Variants in XXYLT1 observed in about 807,000 individuals in gnomAD.
XXYLT1 encodes the protein UDP-xylose:alpha-xyloside alpha-1,3-xylosyltransferase.
XXYLT1 carries 20 observed loss-of-function variants against 28.9 expected under a neutral mutation model. The observed-to-expected ratio is 0.69, with a 90% confidence interval of 0.49 to 1.00. The LOEUF is 1.00. Ranked by LOEUF, XXYLT1 falls within the 50% of genes least tolerant of loss-of-function variation. The pLI is 0.00. For synonymous variants in XXYLT1, 257 were observed against 253.8 expected (o/e 1.01, Z -0.12); for missense variants, 542 against 560.1 (o/e 0.97, Z 0.33).
At chr3:195,117,114 T>TACACACACACACACACACACACACAC (rs10633458) in intron 3 of XXYLT1, among the ~76,000 whole-genome samples, 9 of 148,630 alleles carry the variant, frequency 6.1e-5, no homozygotes, top group African/African-American at 1.7e-4. Context: ...ATATAGTGTA[T>TACACACACACACACACACACACACAC]ACACACACAC....
rs1382227219 is a variant in XXYLT1 at position 195,115,188 on chromosome 3, C to A, written c.785+41261G>T. Among the ~76,000 whole-genome samples the A allele has an allele frequency of 1.3e-5, 2 of 152,164 alleles. No homozygotes were observed. Among genetic ancestry groups the A allele is most frequent in the Non-Finnish European group, 1.5e-5 (1 of 68,044 alleles). The stretch of plus-strand genomic sequence containing the variant: ...AACTAGTGTGCTCACATGAGACGTG[C>A]CCGGTGAGAATGTGGCTTCTGGCTG... On this transcript the variant is annotated intron_variant, in intron 3 of 3. Transcript: ENST00000310380. The surrounding 1 kb of genome is among the most constrained non-coding windows in gnomAD (Gnocchi z 4.2).
In XXYLT1 at chr3:195,271,132, CTT is replaced by C. The variant is rs939726784; in HGVS notation, c.-76_-75del. On this transcript the variant is annotated 5_prime_UTR_variant, in exon 1 of 4. It removes the in-frame stop codon of an upstream open reading frame in the 5' UTR. Transcript: ENST00000310380. Reference sequence around the variant, plus strand: ...TCGGGTACCCGGACGCCGGCGGCCACTTAGCCCCGGCGCCAGGCGGCGGCCAT... The same window carrying C: ...TCGGGTACCCGGACGCCGGCGGCCACAGCCCCGGCGCCAGGCGGCGGCCAT... The C allele has an allele frequency of 8.1e-5, 102 of 1,267,022 alleles. No homozygotes were observed. The highest frequency in any genetic ancestry group is 9.5e-5 in the Non-Finnish European group (96 of 1,008,870). 78.5% of individuals were successfully genotyped at this position (1,267,022 alleles called of 1,614,324 possible).
chr3:195,099,235 G>A (rs978672646), intron 3 of XXYLT1, among the ~76,000 whole-genome samples: 36 of 151,988 alleles, frequency 2.4e-4, no homozygotes, highest in African/African-American at 8.5e-4. Context: ...ATAAATAAAC[G>A]TGCTCAGCTT....
intron 3 of XXYLT1, among the ~76,000 whole-genome samples, chr3:195,145,273 C>T (rs1484330996): frequency 2.0e-5 from 3 of 150,270 alleles, no homozygotes; most frequent in Admixed American, 6.6e-5. Flanking sequence ...GTGGAAGCCA[C>T]GTGAATGGGC....
In XXYLT1 at chr3:195,209,655, G is replaced by A. The variant is rs1249191914; in HGVS notation, c.652+17054C>T. ...GACGGCAGAGTGTGGGTCTGAACCAGAGAAAAAGGCTGCAGCACAGGAGGG... is the reference window on the plus strand; with the variant it reads ...GACGGCAGAGTGTGGGTCTGAACCAAAGAAAAAGGCTGCAGCACAGGAGGG... On this transcript the variant is annotated intron_variant, in intron 2 of 3. Transcript: ENST00000310380. This position sits in a 1 kb window ranked among gnomAD's most constrained non-coding sequence, Gnocchi z 5.0. The A allele has an allele frequency of 6.6e-6, 1 of 152,526 alleles. No homozygotes were observed. Among genetic ancestry groups the A allele is most frequent in the East Asian group, 1.9e-4 (1 of 5,184 alleles). 9.4% of individuals were successfully genotyped at this position (152,526 alleles called of 1,614,324 possible).
intron 1 of XXYLT1, among the ~76,000 whole-genome samples, chr3:195,263,474 T>C (rs1725753099): frequency 6.6e-6 from 1 of 152,074 alleles, no homozygotes; most frequent in Non-Finnish European, 1.5e-5. Context: ...GGGAGCGAGT[T>C]CTCACTCTCA....
intron 3 of XXYLT1, among the ~76,000 whole-genome samples, chr3:195,137,635 T>G (rs1201945550): frequency 6.6e-6 from 1 of 152,216 alleles, no homozygotes; most frequent in Non-Finnish European, 1.5e-5. Flanking sequence ...ACTCTACATT[T>G]AACCTCTCCG....
intron 1 of XXYLT1, among the ~76,000 whole-genome samples, chr3:195,230,505 T>C (rs1277143350): frequency 2.0e-5 from 3 of 152,182 alleles, no homozygotes; most frequent in Non-Finnish European, 4.4e-5. Context: ...CTTTTGGTAG[T>C]GTCATAATTT....
intron 3 of XXYLT1, among the ~76,000 whole-genome samples, chr3:195,112,892 C>T (rs1055776880): frequency 2.6e-5 from 4 of 151,570 alleles, no homozygotes; most frequent in African/African-American, 9.7e-5. Flanking sequence ...CGCACATACA[C>T]GCAGCCCCCA....
intron 1 of XXYLT1, among the ~76,000 whole-genome samples, chr3:195,268,579 CAA>C (rs1725916355): frequency 6.9e-6 from 1 of 145,240 alleles, no homozygotes; most frequent in South Asian, 2.3e-4. Flanking sequence ...GCCTAGGCAA[CAA>C]GAGCGAAACT....
At chr3:195,145,722 C>A (rs1474941906) in intron 3 of XXYLT1, among the ~76,000 whole-genome samples, 1 of 152,252 alleles carries the variant, frequency 6.6e-6, no homozygotes, top group Non-Finnish European at 1.5e-5. Flanking sequence ...TCATAATGAG[C>A]GCTCGTCTAC....
Position 195,210,625 on chromosome 3 carries a change from G to T in XXYLT1, c.652+16084C>A, listed in dbSNP as rs1459371733. Among the ~76,000 whole-genome samples, 1 of 152,188 alleles carries T rather than the reference G, an allele frequency of 6.6e-6. No individual in the cohort carries two copies. The highest frequency in any genetic ancestry group is 1.5e-5 in the Non-Finnish European group (1 of 68,044). On this transcript the variant is annotated intron_variant, in intron 2 of 3. Coordinates refer to ENST00000310380, the MANE Select transcript of XXYLT1 (RefSeq NM_152531.5). The surrounding 1 kb of genome is among the most constrained non-coding windows in gnomAD (Gnocchi z 4.8). ...TTTCATTAGCTTAGAAAGAGCTTCT[G>T]GCATTAAATTAGTAGAAAATGGTCT...
At chr3:195,241,810 AAC>A (rs202193296) in intron 1 of XXYLT1, among the ~76,000 whole-genome samples, 2 of 151,788 alleles carry the variant, frequency 1.3e-5, no homozygotes, top group Admixed American at 6.6e-5. Flanking sequence ...ACATGCGCAC[AAC>A]ACACACACAC....
In XXYLT1 at chr3:195,240,985, G is replaced by C. The variant is rs1724750533; in HGVS notation, c.505-14129C>G. ...CTATAGGTAGATCAAACACAATTCT[G>C]AACGGAAGAGGTCTTAATGTATCAG... On this transcript the variant is annotated intron_variant, in intron 1 of 3. Coordinates refer to ENST00000310380, the MANE Select transcript of XXYLT1 (RefSeq NM_152531.5). The surrounding 1 kb of genome is among the most constrained non-coding windows in gnomAD (Gnocchi z 4.7). 6.6e-6 allele frequency among the ~76,000 whole-genome samples: 1 copy of C among 152,212 alleles called. No individual in the cohort carries two copies. The highest frequency in any genetic ancestry group is 2.1e-4 in the South Asian group (1 of 4,834).
At chr3:195,127,518 G>C (rs1427236249) in intron 3 of XXYLT1, among the ~76,000 whole-genome samples, 3 of 152,220 alleles carry the variant, frequency 2.0e-5, no homozygotes, top group Non-Finnish European at 1.5e-5. Flanking sequence ...GCTCATGCCT[G>C]TAATCCCAGC....
In XXYLT1 at chr3:195,115,789, A is replaced by G. The variant is rs1038829333; in HGVS notation, c.785+40660T>C. Among the ~76,000 whole-genome samples the G allele has an allele frequency of 1.3e-5, 2 of 152,182 alleles. No individual in the cohort carries two copies. The highest frequency in any genetic ancestry group is 2.9e-5 in the Non-Finnish European group (2 of 68,022). On this transcript the variant is annotated intron_variant, in intron 3 of 3. Coordinates refer to ENST00000310380, the MANE Select transcript of XXYLT1 (RefSeq NM_152531.5). This position sits in a 1 kb window ranked among gnomAD's most constrained non-coding sequence, Gnocchi z 4.2. ...GGCCAGGACCGGACCTCGGTTATCT[A>G]GAGAGTAACTAACAGTGCTTTGTCA...
intron 3 of XXYLT1, among the ~76,000 whole-genome samples, chr3:195,155,525 GTTCCT>G (rs1448810632): frequency 6.9e-6 from 1 of 144,434 alleles, no homozygotes; most frequent in Non-Finnish European, 1.5e-5. Context: ...CGCTTCAGCT[GTTCCT>G]TTCCTTTTTT....
intron 1 of XXYLT1, among the ~76,000 whole-genome samples, chr3:195,261,073 A>G (rs1725683075): frequency 6.6e-6 from 1 of 152,186 alleles, no homozygotes; most frequent in Non-Finnish European, 1.5e-5. Context: ...AGCCTCAGGG[A>G]TGCCACACCT....
Position 195,069,663 on chromosome 3 carries a change from C to T in XXYLT1, c.*52G>A. On this transcript the variant is annotated 3_prime_UTR_variant, in exon 4 of 4. Coordinates refer to ENST00000310380, the MANE Select transcript of XXYLT1 (RefSeq NM_152531.5). ...CTGCCCTTGGGTCTGTCCCAAGGAA[C>T]CCTGTCCTTCCCCCAGATCTGGAGG... The T allele has an allele frequency of 1.3e-6, 2 of 1,563,398 alleles. No individual in the cohort carries two copies. The highest frequency in any genetic ancestry group is 1.7e-6 in the Non-Finnish European group (2 of 1,159,682).
Sources: allele counts gnomAD v4.1 joint callset (sites outside exome capture counted in the v4.1 genomes callset), GRCh38; gene constraint gnomAD v4.1.1; non-coding constraint Gnocchi (gnomAD v3.1); transcripts MANE v1.5; gene names NCBI Gene and HGNC (gene_info 2026-07-23, HGNC 2026-07-21).